MRTFB: variants seen among roughly 807,000 people sequenced by gnomAD.
MRTFB encodes myocardin related transcription factor B.
MRTFB carries 29 observed loss-of-function variants against 104.2 expected under a neutral mutation model. The ratio of observed to expected loss-of-function variants is 0.28; its 90% CI spans 0.21 to 0.38. The LOEUF is 0.38. Among genes scored for constraint, MRTFB ranks in the 10% least tolerant of loss-of-function variants. The pLI is 1.00. For missense variants in MRTFB, 1,270 were observed against 1,341.6 expected (o/e 0.95, Z 0.83); for synonymous variants, 535 against 519.5 (o/e 1.03, Z -0.41).
At position 14,121,953 on chromosome 16, in the gene MRTFB, G is replaced by A. The variant is rs564445466; in HGVS notation, c.-63-18591G>A. ...GAGTAGCTACTGTATGGTACACTCA[G>A]AGATAGCCGGTTGGGTGTGTACATT... is the stretch of plus-strand genomic sequence containing the variant. On this transcript the variant is annotated intron_variant, in intron 2 of 16. Transcript: ENST00000571589. 2.0e-4 allele frequency among the ~76,000 whole-genome samples: 30 copies of A among 152,306 alleles called. No homozygotes were observed. The South Asian group carries it at 2.9e-3, about 15-fold the overall frequency.
At chr16:14,232,024 G>A (rs1221097936) in intron 8 of MRTFB, among the ~76,000 whole-genome samples, 1 of 152,162 alleles carries the variant, frequency 6.6e-6, no homozygotes, top group Admixed American at 6.6e-5. Flanking sequence ...GATAGGCACA[G>A]TCTAGAAATT....
the MRTFB span, among the ~76,000 whole-genome samples, chr16:14,045,528 T>C: frequency 1.3e-5 from 2 of 152,226 alleles, no homozygotes; most frequent in Non-Finnish European, 2.9e-5. Context: ...TTACACCACC[T>C]GCCAAGTTCT....
At chr16:14,249,782 CTT>C (rs1460536160) in intron 13 of MRTFB, among the ~76,000 whole-genome samples, 2 of 152,240 alleles carry the variant, frequency 1.3e-5, no homozygotes, top group African/African-American at 2.4e-5. Flanking sequence ...AGGTCTTACT[CTT>C]TTAAACCTTG....
chr16:14,222,673 C>T (rs1457900005), intron 8 of MRTFB, among the ~76,000 whole-genome samples: 1 of 151,012 alleles, frequency 6.6e-6, no homozygotes, highest in Non-Finnish European at 1.5e-5. Flanking sequence ...GATCACTTGA[C>T]CCCAGGAGTT....
intron 3 of MRTFB, among the ~76,000 whole-genome samples, chr16:14,159,822 C>G (rs111429953): frequency 6.9e-6 from 1 of 145,650 alleles, no homozygotes; most frequent in Admixed American, 7.0e-5. Flanking sequence ...CCCAGCTACT[C>G]GGGAGGCTGA....
the MRTFB span, among the ~76,000 whole-genome samples, chr16:14,040,753 G>A: frequency 1.1e-4 from 16 of 152,140 alleles, 1 homozygote; most frequent in African/African-American, 3.1e-4. Flanking sequence ...GCAAGCCACC[G>A]CACCCGGCCT....
chr16:14,012,872 T>C, the MRTFB span, among the ~76,000 whole-genome samples: 2 of 152,044 alleles, frequency 1.3e-5, no homozygotes, highest in Non-Finnish European at 2.9e-5. Context: ...CCGCCTGTGG[T>C]TTGTAAATCT....
chr16:14,100,900 C>T (rs1263160894), intron 2 of MRTFB, among the ~76,000 whole-genome samples: 1 of 152,114 alleles, frequency 6.6e-6, no homozygotes, highest in Non-Finnish European at 1.5e-5. Context: ...TCTATGATGA[C>T]GTTGCCTCTC....
chr16:14,190,615 G>A (rs887291980), intron 3 of MRTFB, among the ~76,000 whole-genome samples: 1 of 152,152 alleles, frequency 6.6e-6, no homozygotes, highest in African/African-American at 2.4e-5. Flanking sequence ...CTCTAATGGT[G>A]AAAAATAAGA....
the MRTFB span, among the ~76,000 whole-genome samples, chr16:14,004,901 T>G: frequency 6.6e-6 from 1 of 152,366 alleles, no homozygotes; most frequent in African/African-American, 2.4e-5. Context: ...TCTGTCCACC[T>G]GGATCTCAGT....
At chr16:14,223,353 A>G (rs2041830631) in intron 8 of MRTFB, among the ~76,000 whole-genome samples, 1 of 152,102 alleles carries the variant, frequency 6.6e-6, no homozygotes, top group South Asian at 2.1e-4. Flanking sequence ...CATTCAGGGA[A>G]CAAAATAAAT....
intron 8 of MRTFB, among the ~76,000 whole-genome samples, chr16:14,225,101 G>A (rs943434067): frequency 3.9e-5 from 6 of 152,150 alleles, no homozygotes; most frequent in African/African-American, 9.7e-5. Flanking sequence ...TAGGAGCATC[G>A]CTTGAATCCA....
chr16:14,213,731 C>A (rs1374931986), intron 6 of MRTFB, 111 bp downstream of exon 6: 13 of 781,666 alleles, frequency 1.7e-5, no homozygotes, highest in Admixed American at 2.9e-5. Context: ...CACAGCCTTA[C>A]TTCCTCCAAA....
chr16:14,012,771 G>A, the MRTFB span, among the ~76,000 whole-genome samples: 11 of 152,208 alleles, frequency 7.2e-5, no homozygotes, highest in Non-Finnish European at 1.3e-4. Flanking sequence ...GGCTGCCTGA[G>A]TCCAAAGCCC....
At chr16:14,030,226 T>C in the MRTFB span, among the ~76,000 whole-genome samples, 2 of 152,156 alleles carry the variant, frequency 1.3e-5, no homozygotes, top group Non-Finnish European at 2.9e-5. Context: ...GCCTTTATTT[T>C]CCAATGAGGA....
intron 3 of MRTFB, among the ~76,000 whole-genome samples, chr16:14,184,670 G>A (rs962983815): frequency 9.2e-5 from 14 of 152,170 alleles, no homozygotes; most frequent in African/African-American, 3.4e-4. Flanking sequence ...AATCATTTTA[G>A]TATGATTATG....
chr16:14,214,607 A>T (rs1317599403), intron 6 of MRTFB, among the ~76,000 whole-genome samples: 1 of 152,138 alleles, frequency 6.6e-6, no homozygotes, highest in African/African-American at 2.4e-5. Context: ...GACTCCAGAG[A>T]CCCAACAAGT....
At chr16:14,190,549 G>A (rs2040134246) in intron 3 of MRTFB, among the ~76,000 whole-genome samples, 1 of 152,152 alleles carries the variant, frequency 6.6e-6, no homozygotes, top group South Asian at 2.1e-4. Flanking sequence ...TTTATCACAG[G>A]CAAATGGTAG....
intron 3 of MRTFB, chr16:14,143,192 A>G (rs1376737429): frequency 2.7e-5 from 4 of 146,942 alleles, no homozygotes; most frequent in Admixed American, 2.0e-4. Flanking sequence ...TTAGGCAAAC[A>G]TTTATTAAGC....
Sources: gnomAD v4.1 joint callset for allele counts (sites outside exome capture counted in the v4.1 genomes callset) on GRCh38, gnomAD v4.1.1 for gene constraint, MANE v1.5 for transcripts, NCBI Gene and HGNC (gene_info 2026-07-23, HGNC 2026-07-21) for gene names.